SUDS3: variants seen among roughly 807,000 people sequenced by gnomAD.
The protein encoded by SUDS3 is SIN3A corepressor complex component SDS3.
A neutral mutation model predicts 53.5 loss-of-function variants in SUDS3; 23 were observed. The ratio of observed to expected loss-of-function variants is 0.43; its 90% CI spans 0.31 to 0.61. SUDS3 has a LOEUF of 0.61. SUDS3 is among the 20% of genes least tolerant of loss of function. SUDS3 has a pLI of 0.10. For missense variants in SUDS3, 291 were observed against 405.9 expected, an observed-to-expected ratio of 0.72 and a Z score of 2.43; for synonymous variants, 150 against 148.5, an observed-to-expected ratio of 1.01 and a Z score of -0.08.
At chr12:118,382,138 C>T (rs574052584) in intron 2 of SUDS3, among the ~76,000 whole-genome samples, 24 of 151,876 alleles carry the variant, frequency 1.6e-4, no homozygotes, top group Non-Finnish European at 2.8e-4. Flanking sequence ...CTCCTGAGTT[C>T]GAGTGATTGT....
Position 118,400,971 on chromosome 12 carries a change from A to T in SUDS3, c.613+217A>T, listed in dbSNP as rs1392956673. Among the ~76,000 whole-genome samples, 7 of 152,168 alleles carry T rather than the reference A, an allele frequency of 4.6e-5. No individual in the cohort carries two copies. In the East Asian group the frequency reaches 1.4e-3, roughly 29 times the overall value. On this transcript the variant is annotated intron_variant, in intron 7 of 11. Coordinates refer to ENST00000543473, the MANE Select transcript of SUDS3 (RefSeq NM_022491.3). Reference sequence around the variant, plus strand: ...TGCTTTTGGTGGGAGAGATGTATAGAGTTGTGATTTGGAAAGGTGCTTTGC... The same window carrying T: ...TGCTTTTGGTGGGAGAGATGTATAGTGTTGTGATTTGGAAAGGTGCTTTGC...
chr12:118,412,928 C>A (rs1001253488), intron 11 of SUDS3, among the ~76,000 whole-genome samples: 3 of 152,106 alleles, frequency 2.0e-5, no homozygotes, highest in Non-Finnish European at 4.4e-5. Flanking sequence ...TGAAAGTGTT[C>A]CAGCTCATTT....
intron 2 of SUDS3, among the ~76,000 whole-genome samples, chr12:118,381,941 A>G (rs1357960246): frequency 6.6e-6 from 1 of 152,106 alleles, no homozygotes; most frequent in Non-Finnish European, 1.5e-5. Flanking sequence ...CCTTTTTGCA[A>G]ATGTTTTGTG....
chr12:118,384,831 CAAA>C (rs879854991), intron 3 of SUDS3, among the ~76,000 whole-genome samples: 2 of 126,510 alleles, frequency 1.6e-5, no homozygotes, highest in Admixed American at 8.1e-5. Flanking sequence ...GACTCAGTCT[CAAA>C]AAAAAAAAAA....
chr12:118,381,278 C>T (rs1343850576), intron 2 of SUDS3, among the ~76,000 whole-genome samples: 3 of 151,918 alleles, frequency 2.0e-5, no homozygotes, highest in Non-Finnish European at 4.4e-5. Flanking sequence ...AATCTTGGCT[C>T]ACCACAACCT....
chr12:118,403,971 C>T (rs561423838), intron 10 of SUDS3: 6 of 166,514 alleles, frequency 3.6e-5, no homozygotes, highest in South Asian at 1.7e-4. Context: ...TTGGGTCCTG[C>T]GATATGCTAA....
rs1293528791 is a variant in SUDS3, at chr12:118,376,682, C to A, written c.-10C>A. ...TCCGTGGGCCACGCTCAGCTGCGGTCAGAGGCGACATGAGTGCCGCGGGGC... is the reference window on the plus strand; with the variant it reads ...TCCGTGGGCCACGCTCAGCTGCGGTAAGAGGCGACATGAGTGCCGCGGGGC... On this transcript the variant is annotated 5_prime_UTR_variant, in exon 1 of 12. Coordinates refer to ENST00000543473, the MANE Select transcript of SUDS3 (RefSeq NM_022491.3). The A allele has an allele frequency of 6.7e-7, 1 of 1,489,300 alleles. No individual in the cohort carries two copies. Among genetic ancestry groups the A allele is most frequent in the South Asian group, 1.3e-5 (1 of 78,802 alleles). The allele number at this position is 1,489,300 out of a possible 1,614,324, so 92.3% of individuals were successfully genotyped here.
intron 10 of SUDS3, among the ~76,000 whole-genome samples, chr12:118,408,986 A>G (rs575973836): frequency 1.3e-5 from 2 of 152,260 alleles, no homozygotes; most frequent in East Asian, 1.9e-4. Flanking sequence ...TAGTGTTAGT[A>G]TGAACTTAGC....
chr12:118,417,681 T>TG lies in SUDS3; in HGVS notation c.*3248_*3249insG, dbSNP rs1215418775. 1 of 152,080 alleles carries TG rather than the reference T, an allele frequency of 6.6e-6. No individual in the cohort carries two copies. Among genetic ancestry groups the TG allele is most frequent in the East Asian group, 1.9e-4 (1 of 5,184 alleles). 9.4% of individuals were successfully genotyped at this position (152,080 alleles called of 1,614,324 possible). A position where few individuals can be genotyped will look rare whatever the true frequency, so the allele number is the denominator to read the frequency against. On this transcript the variant is annotated 3_prime_UTR_variant, in exon 12 of 12. Transcript: ENST00000543473. ...TGTAAAATATAAAAGGTATAGGTTT[T>TG]TTTTTTTTTTTAAAGAAAACAATAA...
At chr12:118,406,842 G>C (rs759083616) in intron 10 of SUDS3, among the ~76,000 whole-genome samples, 7 of 141,834 alleles carry the variant, frequency 4.9e-5, no homozygotes, top group Non-Finnish European at 1.0e-4. Flanking sequence ...TTATGTTAAG[G>C]TTGTCACATA....
intron 10 of SUDS3, among the ~76,000 whole-genome samples, chr12:118,406,789 TC>T (rs1213021827): frequency 6.8e-6 from 1 of 147,778 alleles, no homozygotes; most frequent in Non-Finnish European, 1.5e-5. Context: ...TTAAATTTCT[TC>T]CCCCCCCTTT....
At chr12:118,393,032 T>A (rs951259640) in intron 6 of SUDS3, among the ~76,000 whole-genome samples, 5 of 152,222 alleles carry the variant, frequency 3.3e-5, no homozygotes, top group African/African-American at 1.2e-4. Flanking sequence ...AAGCTAGCCA[T>A]GGGCATTAAA....
In SUDS3 at chr12:118,376,657, T is replaced by C. The variant is rs1301541526; in HGVS notation, c.-35T>C. On this transcript the variant is annotated 5_prime_UTR_variant, in exon 1 of 12. Coordinates refer to ENST00000543473, the MANE Select transcript of SUDS3 (RefSeq NM_022491.3). ...GTACCGAGCGCGGGTGGCCGCGGTGTCCGTGGGCCACGCTCAGCTGCGGTC... is the reference window on the plus strand; with the variant it reads ...GTACCGAGCGCGGGTGGCCGCGGTGCCCGTGGGCCACGCTCAGCTGCGGTC... The C allele has an allele frequency of 7.7e-6, 11 of 1,432,170 alleles. No homozygotes were observed. The highest frequency in any genetic ancestry group is 1.0e-5 in the Non-Finnish European group (11 of 1,101,092). 88.7% of individuals were successfully genotyped at this position (1,432,170 alleles called of 1,614,324 possible). A position where few individuals can be genotyped will look rare whatever the true frequency, so the allele number is the denominator to read the frequency against.
intron 5 of SUDS3, 122 bp downstream of exon 5, chr12:118,390,068 T>C (rs1036872661): frequency 2.4e-6 from 3 of 1,228,748 alleles, no homozygotes; most frequent in Non-Finnish European, 3.6e-6. Flanking sequence ...ACCACTGTTC[T>C]GTTTGACTTA....
At chr12:118,383,444 C>T (rs976636012) in intron 2 of SUDS3, among the ~76,000 whole-genome samples, 4 of 152,234 alleles carry the variant, frequency 2.6e-5, no homozygotes, top group African/African-American at 4.8e-5. Context: ...TGTGTATTCC[C>T]ATCCAGCTGG....
At chr12:118,378,223 G>C (rs1156260026) in intron 1 of SUDS3, among the ~76,000 whole-genome samples, 1 of 152,080 alleles carries the variant, frequency 6.6e-6, no homozygotes, top group Non-Finnish European at 1.5e-5. Flanking sequence ...TTGATCATCT[G>C]GCCTCCTCCT....
chr12:118,379,578 C>T lies in SUDS3; in HGVS notation c.143-584C>T, dbSNP rs200929484. 2.3e-4 allele frequency among the ~76,000 whole-genome samples: 35 copies of T among 152,322 alleles called. No homozygotes were observed. The South Asian group carries it at 2.5e-3, about 11-fold the overall frequency. On this transcript the variant is annotated intron_variant, in intron 1 of 11. Coordinates refer to ENST00000543473, the MANE Select transcript of SUDS3 (RefSeq NM_022491.3). Reference sequence around the variant, plus strand: ...TCCCCCACGGATACTGAGGGACAACCGTGTATCCTGATGTAAAATGTGCGA... The same window carrying T: ...TCCCCCACGGATACTGAGGGACAACTGTGTATCCTGATGTAAAATGTGCGA...
chr12:118,407,612 C>T (rs139143183), intron 10 of SUDS3, among the ~76,000 whole-genome samples: 364 of 152,196 alleles, frequency 2.4e-3, no homozygotes, highest in African/African-American at 8.5e-3. Context: ...CAATGCATCT[C>T]ATGAGAATTG....
rs1317543385 is a variant in SUDS3 at position 118,415,382 on chromosome 12, A to G, written c.*949A>G. 6.6e-6 allele frequency: 1 copy of G among 152,054 alleles called. No individual in the cohort carries two copies. The highest frequency in any genetic ancestry group is 2.4e-5 in the African/African-American group (1 of 41,400). 9.4% of individuals were successfully genotyped at this position (152,054 alleles called of 1,614,324 possible). A position where few individuals can be genotyped will look rare whatever the true frequency, so the allele number is the denominator to read the frequency against. On this transcript the variant is annotated 3_prime_UTR_variant, in exon 12 of 12. Transcript: ENST00000543473. Reference sequence around the variant, plus strand: ...TTTCACTCTTGTGGCTGATGCCATTATTGCACATTGGCCATTCCAAACCTG... The same window carrying G: ...TTTCACTCTTGTGGCTGATGCCATTGTTGCACATTGGCCATTCCAAACCTG...
Sources: gnomAD v4.1 joint callset for allele counts (sites outside exome capture counted in the v4.1 genomes callset) on GRCh38, gnomAD v4.1.1 for gene constraint, MANE v1.5 for transcripts, NCBI Gene and HGNC (gene_info 2026-07-23, HGNC 2026-07-21) for gene names.